Variants in ALKAL1 observed in about 807,000 individuals in gnomAD.
The protein encoded by ALKAL1 is AUG-beta.
Under a neutral mutation model 13.5 loss-of-function variants are expected in ALKAL1, and 23 were observed. The ratio of observed to expected loss-of-function variants is 1.70; its 90% CI spans 1.23 to 2.41. ALKAL1 has a LOEUF of 2.41. Ranked by LOEUF, ALKAL1 falls within the 30% of genes most tolerant of loss-of-function variation. ALKAL1 has a pLI of 0.00. For missense variants in ALKAL1, 181 were observed against 178.4 expected (o/e 1.01, Z -0.08); for synonymous variants, 85 against 77.7 (o/e 1.09, Z -0.49).
At chr8:52,552,513 A>G (rs999478741) in intron 1 of ALKAL1, among the ~76,000 whole-genome samples, 3 of 152,184 alleles carry the variant, frequency 2.0e-5, no homozygotes, top group African/African-American at 7.2e-5. Flanking sequence ...TAGTATCTAC[A>G]TGCATTATTT....
rs1847250523 is a variant in ALKAL1, at chr8:52,534,739, C to T, written c.*13-139G>A. The T allele has an allele frequency of 1.7e-5, 7 of 420,630 alleles. No homozygotes were observed. The Admixed American group carries it at 2.6e-4, about 15-fold the overall frequency. 26.1% of individuals were successfully genotyped at this position (420,630 alleles called of 1,614,324 possible). A position where few individuals can be genotyped will look rare whatever the true frequency, so the allele number is the denominator to read the frequency against. ...TACAGTCTAATCCTGAGAATGCAGA[C>T]TAATGTGTGTGCAGAGGGGCAGGAA... On this transcript the variant is annotated intron_variant, in intron 4 of 4. Coordinates refer to ENST00000358543, the MANE Select transcript of ALKAL1 (RefSeq NM_207413.4).
Position 52,561,324 on chromosome 8 carries a change from G to T in ALKAL1, c.190+3743C>A, listed in dbSNP as rs532311491. Among the ~76,000 whole-genome samples the T allele has an allele frequency of 1.6e-4, 24 of 152,206 alleles. No individual in the cohort carries two copies. In the East Asian group the frequency reaches 3.3e-3, roughly 21 times the overall value. ...TTTCATCAGATCTTTGGGGATATTT[G>T]CAAAGTGAATTTATGGTTTAAGACG... On this transcript the variant is annotated intron_variant, in intron 1 of 4. Coordinates refer to ENST00000358543, the MANE Select transcript of ALKAL1 (RefSeq NM_207413.4).
At chr8:52,558,471 A>T (rs1269242910) in intron 1 of ALKAL1, among the ~76,000 whole-genome samples, 5 of 152,206 alleles carry the variant, frequency 3.3e-5, no homozygotes, top group African/African-American at 1.2e-4. Flanking sequence ...TCCACCAAAT[A>T]ACAGTGTGCC....
chr8:52,544,488 A>G (rs1179162950), intron 1 of ALKAL1, among the ~76,000 whole-genome samples: 1 of 152,196 alleles, frequency 6.6e-6, no homozygotes, highest in Admixed American at 6.5e-5. Context: ...GGTAGGCTTT[A>G]GAGTTAAGTC....
chr8:52,539,989 A>G, intron 2 of ALKAL1, 78 bp from the exon 3 acceptor site: 1 of 1,246,184 alleles, frequency 8.0e-7, no homozygotes, highest in Non-Finnish European at 1.2e-6. Context: ...TTATGGGTGG[A>G]TATAATACAA....
chr8:52,535,375 CTGT>C (rs1423190194), intron 4 of ALKAL1, among the ~76,000 whole-genome samples: 1 of 148,930 alleles, frequency 6.7e-6, no homozygotes, highest in Non-Finnish European at 1.5e-5. Flanking sequence ...CAGTGGGACT[CTGT>C]TGCCACCAAA....
At chr8:52,541,727 G>A (rs1269016211) in intron 2 of ALKAL1, among the ~76,000 whole-genome samples, 1 of 152,100 alleles carries the variant, frequency 6.6e-6, no homozygotes, top group Non-Finnish European at 1.5e-5. Context: ...CCGCGCTCCA[G>A]CCTGGGCAAC....
At chr8:52,549,230 CTAA>C (rs1156740760) in intron 1 of ALKAL1, among the ~76,000 whole-genome samples, 1 of 151,746 alleles carries the variant, frequency 6.6e-6, no homozygotes, top group African/African-American at 2.4e-5. Flanking sequence ...CAAGACACTA[CTAA>C]TCTCATTACT....
At position 52,560,028 on chromosome 8, in the gene ALKAL1, A is replaced by G. The variant is rs567536557; in HGVS notation, c.190+5039T>C. Among the ~76,000 whole-genome samples, 6 of 152,250 alleles carry G rather than the reference A, an allele frequency of 3.9e-5. No homozygotes were observed. In the East Asian group the frequency reaches 1.2e-3, roughly 29 times the overall value. ...GGCTATGGGATATTAAAAACCGAGT[A>G]ACCCCTAGTCTTCAACTTAAAGAGG... On this transcript the variant is annotated intron_variant, in intron 1 of 4. Transcript: ENST00000358543.
At chr8:52,558,785 G>A (rs774097295) in intron 1 of ALKAL1, among the ~76,000 whole-genome samples, 1 of 152,134 alleles carries the variant, frequency 6.6e-6, no homozygotes, top group Non-Finnish European at 1.5e-5. Flanking sequence ...GCAGGACTTC[G>A]TAGTGCTTTG....
In ALKAL1 at chr8:52,565,047, G is replaced by A; in HGVS notation, c.190+20C>T. On this transcript the variant is annotated intron_variant, in intron 1 of 4. Coordinates refer to ENST00000358543, the MANE Select transcript of ALKAL1 (RefSeq NM_207413.4). ...CCCCAGGCGCAGGGCAAAGGATGGG[G>A]CGGGATGGGGACATCGTACCTGCGC... 1 of 1,369,622 alleles carries A rather than the reference G, an allele frequency of 7.3e-7. No homozygotes were observed. The highest frequency in any genetic ancestry group is 9.4e-7 in the Non-Finnish European group (1 of 1,060,504). The allele number at this position is 1,369,622 out of a possible 1,614,324, so 84.8% of individuals were successfully genotyped here. A position where few individuals can be genotyped will look rare whatever the true frequency, so the allele number is the denominator to read the frequency against.
At chr8:52,557,378 C>T (rs559345499) in intron 1 of ALKAL1, among the ~76,000 whole-genome samples, 14 of 152,326 alleles carry the variant, frequency 9.2e-5, no homozygotes, top group African/African-American at 3.1e-4. Context: ...AGATCCACCC[C>T]TTCCCAATTC....
chr8:52,548,636 A>G (rs1847397502), intron 1 of ALKAL1, among the ~76,000 whole-genome samples: 1 of 152,100 alleles, frequency 6.6e-6, no homozygotes, highest in Admixed American at 6.5e-5. Flanking sequence ...ATAATATAAA[A>G]TGTATGCTTC....
intron 1 of ALKAL1, among the ~76,000 whole-genome samples, chr8:52,558,231 C>T (rs1847504340): frequency 6.8e-6 from 1 of 146,612 alleles, no homozygotes; most frequent in African/African-American, 2.5e-5. Context: ...GTCTGTAATC[C>T]CAGCTACTTG....
intron 1 of ALKAL1, among the ~76,000 whole-genome samples, chr8:52,562,860 C>G (rs1040006233): frequency 6.6e-6 from 1 of 152,202 alleles, no homozygotes; most frequent in South Asian, 2.1e-4. Context: ...CCCCTGCCAC[C>G]TGCTGAGTGC....
At chr8:52,541,125 C>T (rs1346665132) in intron 2 of ALKAL1, among the ~76,000 whole-genome samples, 1 of 152,180 alleles carries the variant, frequency 6.6e-6, no homozygotes, top group African/African-American at 2.4e-5. Context: ...AAATGATTCA[C>T]AAAGTTGATA....
At chr8:52,557,542 T>C (rs931238453) in intron 1 of ALKAL1, among the ~76,000 whole-genome samples, 1 of 152,242 alleles carries the variant, frequency 6.6e-6, no homozygotes, top group Non-Finnish European at 1.5e-5. Flanking sequence ...TTTTCTCACA[T>C]GTAACCATTA....
At chr8:52,543,006 T>C (rs925915328) in intron 1 of ALKAL1, among the ~76,000 whole-genome samples, 6 of 152,204 alleles carry the variant, frequency 3.9e-5, no homozygotes, top group Admixed American at 6.5e-5. Context: ...TTCTCCCCAG[T>C]AGCCAGAACA....
At chr8:52,551,682 A>AT (rs893919393) in intron 1 of ALKAL1, among the ~76,000 whole-genome samples, 19 of 151,782 alleles carry the variant, frequency 1.3e-4, no homozygotes, top group South Asian at 4.2e-4. Context: ...TGTTATTTGG[A>AT]TTTTTTTCTT....
Sources: allele counts gnomAD v4.1 joint callset (sites outside exome capture counted in the v4.1 genomes callset), GRCh38; gene constraint gnomAD v4.1.1; transcripts MANE v1.5; gene names NCBI Gene and HGNC (gene_info 2026-07-23, HGNC 2026-07-21).